Variants in PTPRT observed in about 807,000 individuals in gnomAD.
The protein encoded by PTPRT is protein tyrosine phosphatase receptor type T, also known as receptor-type tyrosine-protein phosphatase T.
A neutral mutation model predicts 176.8 loss-of-function variants in PTPRT; 56 were observed. That is an observed-to-expected ratio of 0.32 (90% CI 0.26 to 0.40). PTPRT has a LOEUF of 0.40. Ranked by LOEUF, PTPRT falls within the 10% of genes least tolerant of loss-of-function variation. PTPRT has a pLI of 1.00. For synonymous variants in PTPRT, 783 were observed against 739.0 expected, an observed-to-expected ratio of 1.06 and a Z score of -0.96; for missense variants, 1,540 against 1,908.2, an observed-to-expected ratio of 0.81 and a Z score of 3.60.
chr20:42,045,455 CTAGAT>C, the PTPRT span, among the ~76,000 whole-genome samples: 1 of 150,416 alleles, frequency 6.6e-6, no homozygotes, highest in South Asian at 2.1e-4. Context: ...AGTTTGCATC[CTAGAT>C]TAGACAAAAT....
intron 13 of PTPRT, among the ~76,000 whole-genome samples, chr20:42,255,839 G>A (rs2056628416): frequency 6.6e-6 from 1 of 152,170 alleles, no homozygotes; most frequent in African/African-American, 2.4e-5. Context: ...GATCATTGCT[G>A]ACGATAAAGA....
chr20:42,668,696 C>CT (rs34658528), intron 7 of PTPRT, among the ~76,000 whole-genome samples: 20,085 of 140,894 alleles, frequency 0.14, 2,105 homozygotes, highest in African/African-American at 0.29. Flanking sequence ...GCGGATAATT[C>CT]TTTTTTTTTT....
chr20:42,501,209 A>T (rs975378681), intron 7 of PTPRT, among the ~76,000 whole-genome samples: 1 of 152,158 alleles, frequency 6.6e-6, no homozygotes, highest in Non-Finnish European at 1.5e-5. Flanking sequence ...AATCATAAGC[A>T]TCTGCTCTTT....
chr20:42,592,415 G>C (rs1297345516), intron 7 of PTPRT, among the ~76,000 whole-genome samples: 1 of 152,158 alleles, frequency 6.6e-6, no homozygotes. Flanking sequence ...CATTACCAAA[G>C]ATGCACAGGA....
At chr20:42,363,220 C>T (rs1189864518) in intron 9 of PTPRT, among the ~76,000 whole-genome samples, 1 of 139,106 alleles carries the variant, frequency 7.2e-6, no homozygotes, top group African/African-American at 2.7e-5. Flanking sequence ...AAGTTAGAAG[C>T]CAAAGGCACA....
At chr20:43,076,594 A>G (rs1242129104) in intron 1 of PTPRT, among the ~76,000 whole-genome samples, 1 of 152,170 alleles carries the variant, frequency 6.6e-6, no homozygotes, top group Non-Finnish European at 1.5e-5. Context: ...TCCAAGCAAC[A>G]TGTTCTCAAC....
intron 7 of PTPRT, among the ~76,000 whole-genome samples, chr20:42,613,437 T>C (rs186709945): frequency 4.6e-5 from 7 of 152,374 alleles, no homozygotes; most frequent in Admixed American, 2.6e-4. Flanking sequence ...ATACTAGTTA[T>C]GCAGCTCTTT....
chr20:42,772,407 T>C (rs769428895), intron 4 of PTPRT, among the ~76,000 whole-genome samples: 1 of 152,196 alleles, frequency 6.6e-6, no homozygotes, highest in Non-Finnish European at 1.5e-5. Flanking sequence ...GCGTTGATTC[T>C]AGGGACTGGA....
intron 2 of PTPRT, among the ~76,000 whole-genome samples, chr20:42,867,138 T>C (rs1260897672): frequency 6.6e-6 from 1 of 152,198 alleles, no homozygotes; most frequent in Non-Finnish European, 1.5e-5. Flanking sequence ...GACTGCAAGG[T>C]AGGGTGGCCA....
In PTPRT at chr20:42,102,153, T is replaced by C; in HGVS notation, c.3685A>G (p.Ser1229Gly). 12 of 1,614,168 alleles carry C rather than the reference T, an allele frequency of 7.4e-6. No individual in the cohort carries two copies. The highest frequency in any genetic ancestry group is 1.0e-5 in the Non-Finnish European group (12 of 1,179,998). Residue 1229 changes from serine (S) to glycine (G), a missense_variant, in exon 26 of 31, where the codon AGC (serine) becomes GGC (glycine). Ser to Gly is a moderately conservative substitution (Grantham distance 56, BLOSUM62 0). Around this residue, in one of 11 missense-constraint regions of PTPRT, gnomAD observed 342 missense variants for 394.0 expected, o/e 0.87. Transcript: ENST00000373187. ...PFLISVDGESSNYINAALMDS... is the reference protein window; with the variant it reads ...PFLISVDGESGNYINAALMDS... ...ATCAGTGCTGCGTTGATGTAATTGC[T>C]GGATTCTCCGTCCACTGAGATAAGG...
At chr20:42,047,093 T>G in the PTPRT span, among the ~76,000 whole-genome samples, 4 of 152,216 alleles carry the variant, frequency 2.6e-5, no homozygotes, top group African/African-American at 9.6e-5. Context: ...AAACTTAGTG[T>G]GGACAAGTAA....
At chr20:42,778,601 CTG>C (rs1419308649) in intron 4 of PTPRT, among the ~76,000 whole-genome samples, 3 of 152,142 alleles carry the variant, frequency 2.0e-5, no homozygotes, top group Admixed American at 6.5e-5. Flanking sequence ...TACCTCGAAA[CTG>C]GAGGTAGTGC....
At chr20:42,338,099 T>C (rs2058065281) in intron 11 of PTPRT, among the ~76,000 whole-genome samples, 1 of 152,216 alleles carries the variant, frequency 6.6e-6, no homozygotes, top group South Asian at 2.1e-4. Context: ...ATGCATTCGT[T>C]ATGGAGGAAA....
intron 8 of PTPRT, among the ~76,000 whole-genome samples, chr20:42,471,947 C>A (rs1474668558): frequency 6.6e-6 from 1 of 152,182 alleles, no homozygotes. Context: ...TGAGTCACCA[C>A]ACCTGGCCAC....
Position 42,160,663 on chromosome 20 carries a change from C to G in PTPRT, c.2682+689G>C, listed in dbSNP as rs531735064. 2.6e-5 allele frequency among the ~76,000 whole-genome samples: 4 copies of G among 152,256 alleles called. No individual in the cohort carries two copies. In the South Asian group the frequency reaches 8.3e-4, roughly 32 times the overall value. ...GTTAAGGAACTTATAAGAAGAACAA[C>G]GTTGTATTGAGCTGCTGCCTGTCCT... is the stretch of plus-strand genomic sequence containing the variant. On this transcript the variant is annotated intron_variant, in intron 17 of 30. Transcript: ENST00000373187.
chr20:42,476,835 T>C (rs1042728607), intron 7 of PTPRT, among the ~76,000 whole-genome samples: 4 of 152,182 alleles, frequency 2.6e-5, no homozygotes, highest in African/African-American at 9.6e-5. Context: ...AGTGAAGAGA[T>C]GTAACTTACC....
intron 7 of PTPRT, among the ~76,000 whole-genome samples, chr20:42,648,268 T>G (rs555869747): frequency 2.0e-5 from 3 of 152,208 alleles, no homozygotes; most frequent in African/African-American, 7.2e-5. Flanking sequence ...ACGAACATGC[T>G]TCATTAACAG....
intron 1 of PTPRT, among the ~76,000 whole-genome samples, chr20:43,079,423 C>A (rs570087359): frequency 8.0e-4 from 121 of 152,132 alleles, no homozygotes; most frequent in African/African-American, 2.9e-3. Context: ...TGTCTTCAAC[C>A]AAATCCCTCT....
chr20:42,468,014 T>C (rs1189195213), intron 8 of PTPRT, among the ~76,000 whole-genome samples: 1 of 152,204 alleles, frequency 6.6e-6, no homozygotes, highest in Non-Finnish European at 1.5e-5. Context: ...TGGTTTTGTC[T>C]GAGACATTTG....
Sources: gnomAD v4.1 joint callset for allele counts (sites outside exome capture counted in the v4.1 genomes callset) on GRCh38, gnomAD v4.1.1 for gene constraint, gnomAD v4.1.1 regional missense constraint, MANE v1.5 for transcripts, NCBI Gene and HGNC (gene_info 2026-07-23, HGNC 2026-07-21) for gene names.